Variants in WLS observed in about 807,000 individuals in gnomAD.
WLS encodes the protein protein wntless homolog.
A neutral mutation model predicts 62.8 loss-of-function variants in WLS; 23 were observed. That is an observed-to-expected ratio of 0.37 (90% CI 0.26 to 0.52). The LOEUF is 0.52. Ranked by LOEUF, WLS falls within the 20% of genes least tolerant of loss-of-function variation. The pLI is 0.92. For missense variants in WLS, 615 were observed against 697.3 expected (o/e 0.88, Z 1.33); for synonymous variants, 246 against 244.1 (o/e 1.01, Z -0.07).
downstream of WLS, chr1:68,125,274 A>G: frequency 2.1e-6 from 2 of 946,218 alleles, no homozygotes; most frequent in Non-Finnish European, 2.5e-6. Context: ...TTGATGATAA[A>G]GTATATCAGT....
intron 2 of WLS, among the ~76,000 whole-genome samples, chr1:68,192,737 C>G (rs1005853465): frequency 5.3e-5 from 7 of 133,036 alleles, no homozygotes; most frequent in Non-Finnish European, 9.4e-5. Context: ...CATTCGAGAT[C>G]AGCCTGGGGA....
At chr1:68,228,793 A>T (rs1650271947) in intron 1 of WLS, among the ~76,000 whole-genome samples, 1 of 132,850 alleles carries the variant, frequency 7.5e-6, no homozygotes, top group African/African-American at 2.7e-5. Context: ...TTGCTTTCAG[A>T]GCCTTTTTGC....
chr1:68,204,993 G>C (rs145690691), intron 1 of WLS, among the ~76,000 whole-genome samples: 129 of 152,244 alleles, frequency 8.5e-4, no homozygotes, highest in African/African-American at 3.1e-3. Context: ...TTATTATATG[G>C]CTTTTGTGTC....
At chr1:68,198,692 C>T (rs763804053) in intron 1 of WLS, among the ~76,000 whole-genome samples, 3 of 152,004 alleles carry the variant, frequency 2.0e-5, no homozygotes, top group Non-Finnish European at 4.4e-5. Flanking sequence ...ACGGAGGAAG[C>T]AGACAATAAA....
chr1:68,226,430 T>C (rs1267306308), intron 1 of WLS, among the ~76,000 whole-genome samples: 7 of 152,192 alleles, frequency 4.6e-5, no homozygotes. Flanking sequence ...TAGACAGGCT[T>C]TGGCACATAT....
At chr1:68,150,949 C>T (rs911668355) in intron 5 of WLS, among the ~76,000 whole-genome samples, 37 of 152,290 alleles carry the variant, frequency 2.4e-4, no homozygotes, top group African/African-American at 8.4e-4. Flanking sequence ...CCTTGAAACA[C>T]ATATGTTAAT....
intron 11 of WLS, among the ~76,000 whole-genome samples, chr1:68,118,586 C>A (rs1289281051): frequency 6.6e-6 from 1 of 152,162 alleles, no homozygotes; most frequent in Non-Finnish European, 1.5e-5. Flanking sequence ...TACAATAGCA[C>A]CTGGCCCGGC....
At chr1:68,135,606 T>G (rs1646597813) in intron 11 of WLS, among the ~76,000 whole-genome samples, 1 of 152,226 alleles carries the variant, frequency 6.6e-6, no homozygotes. Context: ...CAGTCAGTAC[T>G]TGATAATTAT....
At chr1:68,169,252 T>C (rs980409116) in intron 2 of WLS, among the ~76,000 whole-genome samples, 4 of 152,216 alleles carry the variant, frequency 2.6e-5, no homozygotes, top group Non-Finnish European at 4.4e-5. Flanking sequence ...TTAGGTTCTC[T>C]TCAAAGTGAC....
intron 10 of WLS, among the ~76,000 whole-genome samples, chr1:68,143,835 A>G (rs1646718663): frequency 6.6e-6 from 1 of 152,218 alleles, no homozygotes; most frequent in African/African-American, 2.4e-5. Flanking sequence ...TTTTGCAGAT[A>G]AGAAAATTAA....
chr1:68,151,676 G>T (rs939387000), intron 5 of WLS, among the ~76,000 whole-genome samples: 1 of 152,160 alleles, frequency 6.6e-6, no homozygotes, highest in Non-Finnish European at 1.5e-5. Flanking sequence ...CAGACGAAGA[G>T]ATCAGCAGGT....
At chr1:68,117,016 C>G (rs888837815) in intron 11 of WLS, among the ~76,000 whole-genome samples, 1 of 152,144 alleles carries the variant, frequency 6.6e-6, no homozygotes, top group East Asian at 1.9e-4. Context: ...GATTGTCAGG[C>G]ATTCAACTCA....
At chr1:68,204,139 C>G (rs1002701922) in intron 1 of WLS, among the ~76,000 whole-genome samples, 1 of 152,150 alleles carries the variant, frequency 6.6e-6, no homozygotes, top group Non-Finnish European at 1.5e-5. Context: ...GCAAGTAAGA[C>G]CTGTTAATGT....
chr1:68,109,771 A>G (rs1407886834), intron 11 of WLS, among the ~76,000 whole-genome samples: 1 of 152,096 alleles, frequency 6.6e-6, no homozygotes, highest in Non-Finnish European at 1.5e-5. Context: ...CATACAGCTC[A>G]TTTTACTACC....
At chr1:68,141,945 C>G (rs547333402) in intron 10 of WLS, among the ~76,000 whole-genome samples, 1 of 152,170 alleles carries the variant, frequency 6.6e-6, no homozygotes, top group Non-Finnish European at 1.5e-5. Flanking sequence ...TTGCTACCCC[C>G]TTAGAGTTGA....
chr1:68,118,809 G>A (rs1006052716), intron 11 of WLS, among the ~76,000 whole-genome samples: 3 of 144,314 alleles, frequency 2.1e-5, no homozygotes, highest in South Asian at 2.2e-4. Flanking sequence ...CCCAGGAGGT[G>A]GAGATTGTAG....
chr1:68,192,119 G>C (rs1271380408), intron 2 of WLS, among the ~76,000 whole-genome samples: 3 of 152,116 alleles, frequency 2.0e-5, no homozygotes, highest in Non-Finnish European at 2.9e-5. Flanking sequence ...CCTAGCAGTG[G>C]TAGGCACTCA....
intron 2 of WLS, among the ~76,000 whole-genome samples, chr1:68,175,979 C>G (rs1647242394): frequency 6.6e-6 from 1 of 152,188 alleles, no homozygotes; most frequent in Admixed American, 6.5e-5. Context: ...TTGTTTCTGA[C>G]AAGTTTCGTA....
chr1:68,132,250 C>A (rs527911617), intron 11 of WLS, among the ~76,000 whole-genome samples: 1 of 152,190 alleles, frequency 6.6e-6, no homozygotes, highest in Non-Finnish European at 1.5e-5. Flanking sequence ...AGGCTGGTGA[C>A]GGTCCATCAG....
Sources: gnomAD v4.1 joint callset for allele counts (sites outside exome capture counted in the v4.1 genomes callset) on GRCh38, gnomAD v4.1.1 for gene constraint, MANE v1.5 for transcripts, NCBI Gene and HGNC (gene_info 2026-07-23, HGNC 2026-07-21) for gene names.